Variants in SPOCK1 observed in about 807,000 individuals in gnomAD.
The protein encoded by SPOCK1 is testican-1.
A neutral mutation model predicts 55.3 loss-of-function variants in SPOCK1; 23 were observed. The ratio of observed to expected loss-of-function variants is 0.42; its 90% CI spans 0.30 to 0.59. The LOEUF (loss-of-function observed/expected upper bound fraction) is 0.59. Among genes scored for constraint, SPOCK1 ranks in the 20% least tolerant of loss-of-function variants. The pLI, the probability that SPOCK1 is intolerant of heterozygous loss-of-function variation, is 0.22. For missense variants in SPOCK1, 499 were observed against 552.5 expected, an observed-to-expected ratio of 0.90 and a Z score of 0.97; for synonymous variants, 226 against 221.0, an observed-to-expected ratio of 1.02 and a Z score of -0.20.
At chr5:137,431,379 C>T (rs1320501191) in intron 2 of SPOCK1, among the ~76,000 whole-genome samples, 3 of 152,206 alleles carry the variant, frequency 2.0e-5, no homozygotes, top group Admixed American at 6.5e-5. Flanking sequence ...TATTTAACTG[C>T]TCAGAGTTCT....
chr5:137,067,930 G>T, intron 5 of SPOCK1, 101 bp from the exon 6 acceptor site: 1 of 924,368 alleles, frequency 1.1e-6, no homozygotes. Flanking sequence ...CAAAAGCAAA[G>T]ACAAAGCAGG....
intron 3 of SPOCK1, among the ~76,000 whole-genome samples, chr5:137,205,929 C>T (rs991027739): frequency 3.3e-5 from 5 of 152,158 alleles, no homozygotes; most frequent in Non-Finnish European, 5.9e-5. Flanking sequence ...CACCACTGAA[C>T]GGATGAGAAC....
chr5:137,024,863 C>T (rs1458944154), intron 6 of SPOCK1, among the ~76,000 whole-genome samples: 1 of 152,060 alleles, frequency 6.6e-6, no homozygotes, highest in Non-Finnish European at 1.5e-5. Context: ...AACCTAAATG[C>T]CCATGAAGAG....
chr5:137,087,638 C>T (rs1248822114), intron 5 of SPOCK1, among the ~76,000 whole-genome samples: 1 of 152,234 alleles, frequency 6.6e-6, no homozygotes, highest in African/African-American at 2.4e-5. Context: ...CTGGCAGCAC[C>T]TCTTCCAGTG....
intron 3 of SPOCK1, among the ~76,000 whole-genome samples, chr5:137,166,812 A>C (rs1451442804): frequency 2.0e-5 from 3 of 152,074 alleles, no homozygotes; most frequent in Non-Finnish European, 4.4e-5. Flanking sequence ...AAAACATATG[A>C]TGAATACACA....
At chr5:137,406,554 C>G (rs1752103473) in intron 2 of SPOCK1, among the ~76,000 whole-genome samples, 1 of 152,168 alleles carries the variant, frequency 6.6e-6, no homozygotes. Context: ...AAGCTTCTGC[C>G]CTTCTACTTA....
chr5:137,372,655 A>G (rs1342523177), intron 2 of SPOCK1, among the ~76,000 whole-genome samples: 1 of 152,264 alleles, frequency 6.6e-6, no homozygotes, highest in Non-Finnish European at 1.5e-5. Context: ...TAAAGAGATT[A>G]GATACAATTA....
intron 3 of SPOCK1, among the ~76,000 whole-genome samples, chr5:137,260,877 G>C (rs1756732206): frequency 6.6e-6 from 1 of 152,236 alleles, no homozygotes; most frequent in Non-Finnish European, 1.5e-5. Flanking sequence ...AGGCTAATTA[G>C]GCTGGAGCCG....
chr5:137,450,738 C>T (rs2149834678), intron 2 of SPOCK1, among the ~76,000 whole-genome samples: 1 of 152,228 alleles, frequency 6.6e-6, no homozygotes, highest in East Asian at 1.9e-4. Context: ...ACCATTATCT[C>T]TCCTATTACC....
At chr5:137,446,219 T>C (rs1036460332) in intron 2 of SPOCK1, among the ~76,000 whole-genome samples, 1 of 152,234 alleles carries the variant, frequency 6.6e-6, no homozygotes, top group Non-Finnish European at 1.5e-5. Flanking sequence ...ATTTTATCTT[T>C]TGGGGAGACA....
chr5:137,445,426 A>T (rs1753103238), intron 2 of SPOCK1, among the ~76,000 whole-genome samples: 1 of 152,212 alleles, frequency 6.6e-6, no homozygotes, highest in Non-Finnish European at 1.5e-5. Flanking sequence ...GAGAAAAAAA[A>T]TTTTAAAACT....
Position 137,160,612 on chromosome 5 carries a change from A to G in SPOCK1, c.233-19918T>C, listed in dbSNP as rs1301756488. On this transcript the variant is annotated intron_variant, in intron 3 of 10. Coordinates refer to ENST00000394945, the MANE Select transcript of SPOCK1 (RefSeq NM_004598.4). The stretch of plus-strand genomic sequence containing the variant: ...ATATATAATATATTATATATAATAT[A>G]TAATATATATTTTATATAATATATA... 1.1e-4 allele frequency among the ~76,000 whole-genome samples: 9 copies of G among 83,296 alleles called. 1 individual carries two copies. The highest frequency in any genetic ancestry group is 1.5e-4 in the Non-Finnish European group (7 of 45,246). The allele number at this position is 83,296 out of a possible 152,430, so 54.6% of individuals were successfully genotyped here. A position where few individuals can be genotyped will look rare whatever the true frequency, so the allele number is the denominator to read the frequency against.
intron 2 of SPOCK1, among the ~76,000 whole-genome samples, chr5:137,370,950 C>T (rs1172900580): frequency 6.6e-6 from 1 of 152,200 alleles, no homozygotes; most frequent in Non-Finnish European, 1.5e-5. Context: ...CAGGGCTGTG[C>T]TGCTCTCACA....
chr5:137,233,238 T>A (rs1355408730), intron 3 of SPOCK1, among the ~76,000 whole-genome samples: 1 of 152,194 alleles, frequency 6.6e-6, no homozygotes, highest in Non-Finnish European at 1.5e-5. Context: ...TATGAAATAA[T>A]TATACAACTC....
intron 6 of SPOCK1, among the ~76,000 whole-genome samples, chr5:137,061,566 C>T (rs1411294068): frequency 6.6e-6 from 1 of 152,200 alleles, no homozygotes; most frequent in African/African-American, 2.4e-5. Flanking sequence ...ACCAAACCTG[C>T]CCCCATCCTG....
intron 2 of SPOCK1, among the ~76,000 whole-genome samples, chr5:137,483,764 G>A (rs1165271117): frequency 6.6e-6 from 1 of 152,154 alleles, no homozygotes; most frequent in Non-Finnish European, 1.5e-5. Flanking sequence ...CACCAAAAAT[G>A]TCTCCAGACA....
At chr5:137,466,535 T>C (rs1253981154) in intron 2 of SPOCK1, among the ~76,000 whole-genome samples, 1 of 152,130 alleles carries the variant, frequency 6.6e-6, no homozygotes, top group Non-Finnish European at 1.5e-5. Flanking sequence ...TTCAGATTGA[T>C]GGGTAAAAGC....
At chr5:137,432,886 G>A (rs1330177240) in intron 2 of SPOCK1, among the ~76,000 whole-genome samples, 1 of 152,066 alleles carries the variant, frequency 6.6e-6, no homozygotes, top group Non-Finnish European at 1.5e-5. Context: ...CACTGGCTGG[G>A]TACAACCCTG....
intron 2 of SPOCK1, among the ~76,000 whole-genome samples, chr5:137,351,865 C>T (rs1315138217): frequency 6.6e-6 from 1 of 152,184 alleles, no homozygotes; most frequent in Non-Finnish European, 1.5e-5. Context: ...AAAGGATGGG[C>T]ATGTAGGAGC....
Sources: allele counts gnomAD v4.1 joint callset (sites outside exome capture counted in the v4.1 genomes callset), GRCh38; gene constraint gnomAD v4.1.1; transcripts MANE v1.5; gene names NCBI Gene and HGNC (gene_info 2026-07-23, HGNC 2026-07-21).